The following C2CD3 variants were observed in gnomAD, a reference collection of about 807,000 sequenced individuals.
The protein encoded by C2CD3 is C2 domain-containing protein 3.
In C2CD3, 148 loss-of-function variants were observed where a neutral mutation model predicts 234.0. The ratio of observed to expected loss-of-function variants is 0.63; its 90% CI spans 0.55 to 0.72. The LOEUF (loss-of-function observed/expected upper bound fraction) is 0.72. Ranked by LOEUF, C2CD3 falls within the 30% of genes least tolerant of loss-of-function variation. The pLI is 0.00. For synonymous variants in C2CD3, 1,000 were observed against 1,035.4 expected, an observed-to-expected ratio of 0.97 and a Z score of 0.66; for missense variants, 2,577 against 2,811.5, an observed-to-expected ratio of 0.92 and a Z score of 1.89.
At chr11:74,161,622 G>A in intron 2 of C2CD3, 66 bp from the exon 3 acceptor site, 1 of 1,114,472 alleles carries the variant, frequency 9.0e-7, no homozygotes, top group Non-Finnish European at 1.3e-6. Flanking sequence ...TAAGACGTGG[G>A]TAGAGGGGTA....
At position 74,138,720 on chromosome 11, in the gene C2CD3, C is replaced by G. The variant is rs1382212598; in HGVS notation, c.955G>C (p.Ala319Pro). ...ACTCAGTTCACAAATACATACATAC[C>G]TGAAAGAAGATCCTTGGTAGGGAGG... is the stretch of plus-strand genomic sequence containing the variant. ...NNLPTKDLLS[A>P]LLEQGNKLRN... The change falls in exon 5 of 33, where the codon GCT becomes CCT. Residue 319 changes from alanine (A) to proline (P), a missense_variant and splice_region_variant. Transcript: ENST00000334126. The G allele has an allele frequency of 6.2e-7, 1 of 1,611,812 alleles. No homozygotes were observed. The highest frequency in any genetic ancestry group is 1.3e-5 in the African/African-American group (1 of 74,850).
intron 32 of C2CD3, among the ~76,000 whole-genome samples, chr11:74,021,836 G>A (rs575043597): frequency 6.6e-6 from 1 of 152,100 alleles, no homozygotes; most frequent in Admixed American, 6.5e-5. Context: ...GTTAGAAATA[G>A]TCGGGGGGGC....
intron 29 of C2CD3, among the ~76,000 whole-genome samples, chr11:74,040,711 G>A (rs887406633): frequency 2.0e-5 from 3 of 152,028 alleles, no homozygotes; most frequent in Non-Finnish European, 2.9e-5. Context: ...AGCCGAGATT[G>A]CGCCACTGCA....
chr11:74,014,229 C>T (rs369016365), intron 32 of C2CD3, among the ~76,000 whole-genome samples: 1 of 152,304 alleles, frequency 6.6e-6, no homozygotes, highest in East Asian at 1.9e-4. Context: ...ACAGGAAAGC[C>T]ATCCCAGACA....
chr11:74,117,660 T>A (rs1957072608), intron 9 of C2CD3, among the ~76,000 whole-genome samples: 1 of 151,942 alleles, frequency 6.6e-6, no homozygotes, highest in African/African-American at 2.4e-5. Flanking sequence ...ACAACTGTAA[T>A]CCCAGCACTT....
intron 31 of C2CD3, among the ~76,000 whole-genome samples, chr11:74,030,505 C>A (rs947235057): frequency 6.6e-6 from 1 of 152,192 alleles, no homozygotes. Context: ...CTGACCACGA[C>A]GTCCTGAAAC....
chr11:74,131,018 G>C lies in C2CD3; in HGVS notation c.1217+1826C>G, dbSNP rs535720834. On this transcript the variant is annotated intron_variant, in intron 7 of 32. Coordinates refer to ENST00000334126, the MANE Select transcript of C2CD3 (RefSeq NM_001286577.2). ...AGATCTCACTATGTCACCCAGACTG[G>C]AGTGTAGTAATCATGGCTCACTGTT... 5.3e-5 allele frequency among the ~76,000 whole-genome samples: 8 copies of C among 151,618 alleles called. No individual in the cohort carries two copies. The South Asian group carries it at 1.3e-3, about 24-fold the overall frequency.
At chr11:74,082,361 C>T (rs1038221404) in intron 22 of C2CD3, among the ~76,000 whole-genome samples, 8 of 152,086 alleles carry the variant, frequency 5.3e-5, no homozygotes, top group Admixed American at 5.2e-4. Context: ...GTGATCCGCC[C>T]ACCTCGGCCT....
rs554187701 is a variant in C2CD3, at chr11:74,068,898, T to G, written c.4951+5355A>C. On this transcript the variant is annotated intron_variant, in intron 24 of 32. Coordinates refer to ENST00000334126, the MANE Select transcript of C2CD3 (RefSeq NM_001286577.2). ...TCGGCTCACTGCAACCTCCACCTCC[T>G]GGGTTCAAGTGATTCTCCTGCCTCA... Among the ~76,000 whole-genome samples, 4 of 152,272 alleles carry G rather than the reference T, an allele frequency of 2.6e-5. No homozygotes were observed. The East Asian group carries it at 7.7e-4, about 29-fold the overall frequency.
intron 22 of C2CD3, among the ~76,000 whole-genome samples, chr11:74,079,502 C>T (rs1490330722): frequency 6.6e-6 from 1 of 151,222 alleles, no homozygotes; most frequent in Admixed American, 6.6e-5. Context: ...TTTGAGATTA[C>T]AGGAGTGAGC....
intron 9 of C2CD3, among the ~76,000 whole-genome samples, chr11:74,117,487 G>A (rs1316878260): frequency 1.3e-5 from 2 of 149,626 alleles, no homozygotes; most frequent in African/African-American, 2.5e-5. Flanking sequence ...AGTAACTCAG[G>A]AACAGAAAAC....
At chr11:74,035,899 T>C (rs1952721353) in intron 30 of C2CD3, among the ~76,000 whole-genome samples, 1 of 152,144 alleles carries the variant, frequency 6.6e-6, no homozygotes, top group Admixed American at 6.5e-5. Context: ...CTTACTCTGT[T>C]GTCCAGGCCG....
intron 22 of C2CD3, among the ~76,000 whole-genome samples, 183 bp downstream of exon 22, chr11:74,084,698 T>A (rs1955560375): frequency 6.6e-6 from 1 of 151,692 alleles, no homozygotes; most frequent in Non-Finnish European, 1.5e-5. Flanking sequence ...TTAATTAAGA[T>A]CTTTAAACTA....
intron 20 of C2CD3, among the ~76,000 whole-genome samples, chr11:74,089,437 A>C (rs72984861): frequency 0.039 from 5,906 of 152,348 alleles, 171 homozygotes; most frequent in Non-Finnish European, 0.061. Context: ...TAACTGAAAG[A>C]GTCTACGTGG....
At chr11:74,148,509 GTTTGATAC>G (rs778543898) in intron 3 of C2CD3, among the ~76,000 whole-genome samples, 133 of 152,052 alleles carry the variant, frequency 8.7e-4, no homozygotes, top group Non-Finnish European at 1.5e-3. Flanking sequence ...AATAGCATAA[GTTTGATAC>G]TTTTGATACT....
chr11:74,065,882 G>GCCT (rs1954501801), intron 24 of C2CD3, among the ~76,000 whole-genome samples: 1 of 135,790 alleles, frequency 7.4e-6, no homozygotes, highest in African/African-American at 2.7e-5. Flanking sequence ...CTTGGACACA[G>GCCT]GAAGGGGAAC....
At chr11:74,138,363 A>G (rs1191165518) in intron 5 of C2CD3, among the ~76,000 whole-genome samples, 3 of 152,226 alleles carry the variant, frequency 2.0e-5, no homozygotes, top group African/African-American at 7.2e-5. Flanking sequence ...GTCTCCATAC[A>G]GTGGGATAAA....
At position 74,013,344 on chromosome 11, in the gene C2CD3, G is replaced by C. The variant is rs1591244224; in HGVS notation, c.*41C>G. On this transcript the variant is annotated 3_prime_UTR_variant, in exon 33 of 33. Transcript: ENST00000334126. ...TGCAAGCTGGACAAAGCTGACGGAG[G>C]GTGGGCAGGTGTCTCCTTCCCCCCA... The C allele has an allele frequency of 1.6e-6, 1 of 618,680 alleles. No individual in the cohort carries two copies. The highest frequency in any genetic ancestry group is 3.4e-5 in the East Asian group (1 of 29,532). The allele number at this position is 618,680 out of a possible 1,614,324, so 38.3% of individuals were successfully genotyped here.
chr11:74,036,794 T>C (rs1952767645), intron 30 of C2CD3, among the ~76,000 whole-genome samples: 1 of 152,184 alleles, frequency 6.6e-6, no homozygotes, highest in African/African-American at 2.4e-5. Context: ...TTGCCAATAT[T>C]TGCTCTAGAG....
Sources: gnomAD v4.1 joint callset for allele counts (sites outside exome capture counted in the v4.1 genomes callset) on GRCh38, gnomAD v4.1.1 for gene constraint, MANE v1.5 for transcripts, NCBI Gene and HGNC (gene_info 2026-07-23, HGNC 2026-07-21) for gene names.